Variants in COL5A2 observed in about 807,000 individuals in gnomAD.
The protein encoded by COL5A2 is collagen type V alpha 2 chain.
A neutral mutation model predicts 208.2 loss-of-function variants in COL5A2; 23 were observed. The observed-to-expected ratio is 0.11, with a 90% CI of 0.08 to 0.16. The LOEUF (loss-of-function observed/expected upper bound fraction) is 0.16. Ranked by LOEUF, COL5A2 falls within the 10% of genes least tolerant of loss-of-function variation. COL5A2 has a pLI of 1.00. For synonymous variants in COL5A2, 625 were observed against 628.5 expected (o/e 0.99, Z 0.08); for missense variants, 1,590 against 1,956.4 (o/e 0.81, Z 3.53).
At chr2:189,155,258 GA>G (rs1688222299) in intron 1 of COL5A2, among the ~76,000 whole-genome samples, 2 of 152,306 alleles carry the variant, frequency 1.3e-5, no homozygotes, top group Admixed American at 1.3e-4. Context: ...AAAGTGCTAG[GA>G]TAACAGGCAT....
At chr2:189,364,167 A>T in the COL5A2 span, among the ~76,000 whole-genome samples, 3 of 152,224 alleles carry the variant, frequency 2.0e-5, no homozygotes, top group Non-Finnish European at 2.9e-5. Flanking sequence ...CTTCTTTCTG[A>T]ATTTTGTGAA....
In COL5A2 at chr2:189,033,002, C is replaced by T. The variant is rs1685367822; in HGVS notation, c.*1068G>A. 1 of 152,618 alleles carries T rather than the reference C, an allele frequency of 6.6e-6. No individual in the cohort carries two copies. The highest frequency in any genetic ancestry group is 2.4e-5 in the African/African-American group (1 of 41,466). 9.5% of individuals were successfully genotyped at this position (152,618 alleles called of 1,614,324 possible). A position where few individuals can be genotyped will look rare whatever the true frequency, so the allele number is the denominator to read the frequency against. ...AACAAGAATAGTAAGTCCATCCCAG[C>T]TTCTAGAGATGAGGTAGCTCATGCT... On this transcript the variant is annotated 3_prime_UTR_variant, in exon 54 of 54. Coordinates refer to ENST00000374866, the MANE Select transcript of COL5A2 (RefSeq NM_000393.5).
chr2:189,112,278 G>T (rs1687299032), intron 1 of COL5A2, among the ~76,000 whole-genome samples: 1 of 152,136 alleles, frequency 6.6e-6, no homozygotes, highest in African/African-American at 2.4e-5. Context: ...TGCACAGCAT[G>T]AACTTTGTAC....
At chr2:189,316,310 G>C in the COL5A2 span, among the ~76,000 whole-genome samples, 1 of 152,026 alleles carries the variant, frequency 6.6e-6, no homozygotes, top group Non-Finnish European at 1.5e-5. Context: ...TCTTTGCAGG[G>C]ACATGGATGG....
the COL5A2 span, among the ~76,000 whole-genome samples, chr2:189,230,441 C>T: frequency 6.6e-6 from 1 of 151,658 alleles, no homozygotes; most frequent in East Asian, 1.9e-4. Context: ...AGTATTCATA[C>T]CCAAAATATA....
Position 189,040,199 on chromosome 2 carries a change from G to C in COL5A2, c.3634-636C>G, listed in dbSNP as rs1183693702. Among the ~76,000 whole-genome samples the C allele has an allele frequency of 3.3e-5, 5 of 152,154 alleles. No homozygotes were observed. The South Asian group carries it at 8.3e-4, about 25-fold the overall frequency. On this transcript the variant is annotated intron_variant, in intron 50 of 53. Coordinates refer to ENST00000374866, the MANE Select transcript of COL5A2 (RefSeq NM_000393.5). ...AGGGTCTTGCTACTATGTTGCCCAA[G>C]TTGGATTCAAACTGCTGGGCTCAAG... is the stretch of plus-strand genomic sequence containing the variant.
At chr2:189,414,642 C>T in the COL5A2 span, among the ~76,000 whole-genome samples, 3 of 150,728 alleles carry the variant, frequency 2.0e-5, no homozygotes, top group South Asian at 2.1e-4. Flanking sequence ...CCCAACTACT[C>T]GAAGGCTGAG....
chr2:189,065,448 G>C (rs1180529883), intron 23 of COL5A2, among the ~76,000 whole-genome samples: 1 of 151,958 alleles, frequency 6.6e-6, no homozygotes, highest in Non-Finnish European at 1.5e-5. Flanking sequence ...AGAATTTCTT[G>C]AACCTTGGAC....
At chr2:189,147,493 G>C (rs1688062715) in intron 1 of COL5A2, among the ~76,000 whole-genome samples, 1 of 152,126 alleles carries the variant, frequency 6.6e-6, no homozygotes, top group Non-Finnish European at 1.5e-5. Flanking sequence ...ACAACTCACA[G>C]AGGAATCATG....
the COL5A2 span, among the ~76,000 whole-genome samples, chr2:189,249,785 C>T: frequency 6.6e-6 from 1 of 150,776 alleles, no homozygotes. Flanking sequence ...CAACCTCCAC[C>T]TCCTGGATTC....
intron 8 of COL5A2, among the ~76,000 whole-genome samples, chr2:189,087,317 C>T (rs1686683955): frequency 6.6e-6 from 1 of 152,100 alleles, no homozygotes; most frequent in South Asian, 2.1e-4. Flanking sequence ...CACAGGCTTT[C>T]CTCATTTAAA....
intron 12 of COL5A2, among the ~76,000 whole-genome samples, 156 bp downstream of exon 12, chr2:189,083,828 C>CA (rs1485088383): frequency 1.3e-5 from 2 of 152,176 alleles, no homozygotes; most frequent in African/African-American, 4.8e-5. Context: ...ATCACTCTGG[C>CA]AAAACGTCCT....
At chr2:189,129,911 A>G (rs1687678773) in intron 1 of COL5A2, among the ~76,000 whole-genome samples, 1 of 152,080 alleles carries the variant, frequency 6.6e-6, no homozygotes. Flanking sequence ...ATATGAGCAT[A>G]TGTGACCTTG....
chr2:189,427,214 G>C, the COL5A2 span, among the ~76,000 whole-genome samples: 10 of 152,360 alleles, frequency 6.6e-5, no homozygotes, highest in African/African-American at 2.4e-4. Flanking sequence ...TCCAGCTCCA[G>C]CTGTAGCTCA....
At chr2:189,381,361 TA>T in the COL5A2 span, among the ~76,000 whole-genome samples, 3 of 152,232 alleles carry the variant, frequency 2.0e-5, no homozygotes, top group Non-Finnish European at 1.5e-5. Flanking sequence ...TTATTACTTT[TA>T]ATGTAAAATG....
chr2:189,173,073 C>T (rs1050280370), intron 1 of COL5A2, among the ~76,000 whole-genome samples: 4 of 148,764 alleles, frequency 2.7e-5, no homozygotes, highest in South Asian at 4.3e-4. Flanking sequence ...CAGGTTCAAG[C>T]GATTCTCCTG....
At chr2:189,251,594 G>A in the COL5A2 span, among the ~76,000 whole-genome samples, 21,505 of 150,956 alleles carry the variant, frequency 0.14, 1,947 homozygotes, top group South Asian at 0.21. Flanking sequence ...ATATTTTCTC[G>A]AGCTCAAAAC....
the COL5A2 span, among the ~76,000 whole-genome samples, chr2:189,375,305 C>A: frequency 6.6e-6 from 1 of 152,152 alleles, no homozygotes; most frequent in Non-Finnish European, 1.5e-5. Flanking sequence ...GCATGAGTCA[C>A]CACACCCAGC....
At chr2:189,338,458 C>T in the COL5A2 span, among the ~76,000 whole-genome samples, 1 of 152,180 alleles carries the variant, frequency 6.6e-6, no homozygotes, top group Non-Finnish European at 1.5e-5. Flanking sequence ...CACTCCACTC[C>T]ACCTACAGGT....
Sources: allele counts gnomAD v4.1 joint callset (sites outside exome capture counted in the v4.1 genomes callset), GRCh38; gene constraint gnomAD v4.1.1; transcripts MANE v1.5; gene names NCBI Gene and HGNC (gene_info 2026-07-23, HGNC 2026-07-21).